The following SWT1 variants were observed in gnomAD, a reference collection of about 807,000 sequenced individuals.
The protein encoded by SWT1 is SWT1 RNA endoribonuclease homolog, also known as transcriptional protein SWT1.
Under a neutral mutation model 107.3 loss-of-function variants are expected in SWT1, and 33 were observed. The observed-to-expected ratio is 0.31, with a 90% CI of 0.23 to 0.41. The LOEUF is 0.41. SWT1 is among the 10% of genes least tolerant of loss of function. SWT1 has a pLI of 1.00. For missense variants in SWT1, 898 were observed against 1,028.9 expected, an observed-to-expected ratio of 0.87 and a Z score of 1.74; for synonymous variants, 345 against 348.3, an observed-to-expected ratio of 0.99 and a Z score of 0.11.
At chr1:185,234,149 A>G (rs754503419) in intron 16 of SWT1, among the ~76,000 whole-genome samples, 7 of 152,196 alleles carry the variant, frequency 4.6e-5, no homozygotes, top group Non-Finnish European at 8.8e-5. Context: ...TCCAGAGCTG[A>G]GTTCAAGTCC....
At chr1:185,244,840 G>A (rs1210423650) in intron 16 of SWT1, among the ~76,000 whole-genome samples, 1 of 152,142 alleles carries the variant, frequency 6.6e-6, no homozygotes, top group Non-Finnish European at 1.5e-5. Flanking sequence ...CGGCACTTTG[G>A]GAGGCCAAGG....
intron 16 of SWT1, among the ~76,000 whole-genome samples, chr1:185,246,726 T>G (rs926889496): frequency 6.6e-6 from 1 of 150,624 alleles, no homozygotes; most frequent in Admixed American, 6.6e-5. Flanking sequence ...AACTCATGGT[T>G]TCAGGTGATT....
chr1:185,178,092 T>A (rs1174581118), intron 5 of SWT1, among the ~76,000 whole-genome samples: 3 of 152,200 alleles, frequency 2.0e-5, no homozygotes, highest in Admixed American at 1.3e-4. Flanking sequence ...GATGTTAGTA[T>A]AAATCTCCGG....
chr1:185,226,232 A>G (rs1423997632), intron 15 of SWT1, among the ~76,000 whole-genome samples: 1 of 152,044 alleles, frequency 6.6e-6, no homozygotes, highest in Non-Finnish European at 1.5e-5. Context: ...TGGATAATAT[A>G]CTCTATGTAA....
intron 13 of SWT1, among the ~76,000 whole-genome samples, chr1:185,211,400 C>T (rs1259296457): frequency 6.6e-6 from 1 of 152,140 alleles, no homozygotes; most frequent in Admixed American, 6.6e-5. Flanking sequence ...ACATCTACAA[C>T]CATCCAAATA....
Position 185,174,849 on chromosome 1 carries a change from C to G in SWT1, c.702C>G (p.Phe234Leu). Residue 234 changes from phenylalanine (F) to leucine (L), a missense_variant, in exon 5 of 19, where the codon TTC (phenylalanine) becomes TTG (leucine). Physicochemically the swap from Phe to Leu is conservative, Grantham distance 22 (BLOSUM62 0). This residue lies in a region of SWT1 where 382 missense variants were observed against 362.4 expected (regional missense o/e 1.05). Coordinates refer to ENST00000367500, the MANE Select transcript of SWT1 (RefSeq NM_017673.7). ...GATCTAGAAGACAGAAGATCAGTTT[C>G]AAAATCCCTATAAAATCCCGTGACA... ...PLGSRRQKIS[F>L]KIPIKSRDTL... 6.2e-7 allele frequency: 1 copy of G among 1,613,998 alleles called. No individual in the cohort carries two copies. The highest frequency in any genetic ancestry group is 8.5e-7 in the Non-Finnish European group (1 of 1,179,980).
intron 17 of SWT1, among the ~76,000 whole-genome samples, chr1:185,271,872 C>A (rs1458783857): frequency 6.6e-6 from 1 of 152,146 alleles, no homozygotes; most frequent in African/African-American, 2.4e-5. Flanking sequence ...TCAATTTTTT[C>A]TTTGATTCCC....
At chr1:185,227,991 T>C (rs1660204719) in intron 15 of SWT1, among the ~76,000 whole-genome samples, 1 of 151,652 alleles carries the variant, frequency 6.6e-6, no homozygotes, top group African/African-American at 2.4e-5. Flanking sequence ...CTCAGGAGGC[T>C]GAAGTGGGAC....
At chr1:185,178,025 A>G (rs1655709963) in intron 5 of SWT1, among the ~76,000 whole-genome samples, 1 of 152,100 alleles carries the variant, frequency 6.6e-6, no homozygotes, top group Non-Finnish European at 1.5e-5. Flanking sequence ...CTAGTAAGTA[A>G]AAAAAATATG....
chr1:185,190,460 T>A, intron 9 of SWT1, 89 bp from the exon 10 acceptor site: 1 of 729,078 alleles, frequency 1.4e-6, no homozygotes, highest in South Asian at 1.6e-5. Flanking sequence ...CTCTTAGATA[T>A]TTTTGTTTTG....
At chr1:185,262,723 C>G (rs960198480) in intron 16 of SWT1, among the ~76,000 whole-genome samples, 1 of 152,014 alleles carries the variant, frequency 6.6e-6, no homozygotes, top group Admixed American at 6.6e-5. Flanking sequence ...GCTTGGCTGA[C>G]TCTTCATGTG....
Position 185,276,589 on chromosome 1 carries a change from C to G in SWT1, c.2509-15C>G. 1 of 1,492,102 alleles carries G rather than the reference C, an allele frequency of 6.7e-7. No homozygotes were observed. Among genetic ancestry groups the G allele is most frequent in the Non-Finnish European group, 9.3e-7 (1 of 1,077,762 alleles). 92.4% of individuals were successfully genotyped at this position (1,492,102 alleles called of 1,614,324 possible). A position where few individuals can be genotyped will look rare whatever the true frequency, so the allele number is the denominator to read the frequency against. ...TAATATATATTTTTAATAACTATAT[C>G]TTGGTTCCTTTCAGGTAAATAAAAA... On this transcript the variant is annotated splice_polypyrimidine_tract_variant and intron_variant, in intron 17 of 18. Coordinates refer to ENST00000367500, the MANE Select transcript of SWT1 (RefSeq NM_017673.7).
intron 16 of SWT1, among the ~76,000 whole-genome samples, chr1:185,241,581 T>C (rs113330330): frequency 6.6e-6 from 1 of 152,120 alleles, no homozygotes; most frequent in Non-Finnish European, 1.5e-5. Context: ...TTTTTTATAA[T>C]TTATTTTATA....
intron 10 of SWT1, among the ~76,000 whole-genome samples, chr1:185,201,396 ATCTCCTGG>A (rs1287642213): frequency 1.3e-5 from 2 of 152,120 alleles, no homozygotes; most frequent in African/African-American, 2.4e-5. Context: ...ACCCGAGGGA[ATCTCCTGG>A]TCTGCGGGTT....
intron 13 of SWT1, among the ~76,000 whole-genome samples, chr1:185,208,880 A>G (rs899514569): frequency 5.3e-5 from 8 of 152,052 alleles, no homozygotes; most frequent in Non-Finnish European, 1.0e-4. Context: ...TTTATTGGCA[A>G]AAAGAAGTTC....
intron 16 of SWT1, among the ~76,000 whole-genome samples, chr1:185,259,174 C>T (rs1408174919): frequency 6.6e-6 from 1 of 152,084 alleles, no homozygotes; most frequent in African/African-American, 2.4e-5. Context: ...CCCTGTTCTC[C>T]TCCTCAAAGT....
chr1:185,195,248 G>A (rs1461685534), intron 10 of SWT1, among the ~76,000 whole-genome samples: 1 of 152,180 alleles, frequency 6.6e-6, no homozygotes, highest in Admixed American at 6.5e-5. Flanking sequence ...GACATGCAGT[G>A]TGTGGTTTTC....
intron 9 of SWT1, among the ~76,000 whole-genome samples, chr1:185,185,683 C>T (rs183429849): frequency 3.3e-5 from 5 of 152,172 alleles, no homozygotes; most frequent in African/African-American, 1.2e-4. Flanking sequence ...AAGAATTCAT[C>T]TTAAGAGGAA....
chr1:185,157,955 T>TC (rs1283200244), intron 1 of SWT1, among the ~76,000 whole-genome samples: 1 of 151,838 alleles, frequency 6.6e-6, no homozygotes, highest in Non-Finnish European at 1.5e-5. Flanking sequence ...CTTTCTTCTG[T>TC]CCCCCCGCGA....
Sources: allele counts gnomAD v4.1 joint callset (sites outside exome capture counted in the v4.1 genomes callset), GRCh38; gene constraint gnomAD v4.1.1; regional missense constraint gnomAD v4.1.1; transcripts MANE v1.5; gene names NCBI Gene and HGNC (gene_info 2026-07-23, HGNC 2026-07-21).